Variants in EMX1 observed in about 807,000 individuals in gnomAD.
EMX1 encodes the protein empty spiracles homeobox 1.
In EMX1, 10 loss-of-function variants were observed where a neutral mutation model predicts 20.1. The observed-to-expected ratio is 0.50, with a 90% CI of 0.31 to 0.84. The LOEUF (loss-of-function observed/expected upper bound fraction) is 0.84. EMX1 is among the 40% of genes least tolerant of loss of function. EMX1 has a pLI of 0.05. For missense variants in EMX1, 424 were observed against 431.9 expected, an observed-to-expected ratio of 0.98 and a Z score of 0.16; for synonymous variants, 250 against 200.4, an observed-to-expected ratio of 1.25 and a Z score of -2.09.
Position 72,934,167 on chromosome 2 carries a change from G to C in EMX1, c.*213G>C, listed in dbSNP as rs1280698030. On this transcript the variant is annotated 3_prime_UTR_variant, in exon 3 of 3. Coordinates refer to ENST00000258106, the MANE Select transcript of EMX1 (RefSeq NM_004097.3). ...GGGACCACTTGGCCTTCTCCTCGGA[G>C]AGCCTGCCTGCCTGGGCGGGCCCGC... is the stretch of plus-strand genomic sequence containing the variant. The C allele has an allele frequency of 1.5e-6, 1 of 660,302 alleles. No homozygotes were observed. Among genetic ancestry groups the C allele is most frequent in the Non-Finnish European group, 2.4e-6 (1 of 413,806 alleles). The allele number at this position is 660,302 out of a possible 1,614,324, so 40.9% of individuals were successfully genotyped here. A position where few individuals can be genotyped will look rare whatever the true frequency, so the allele number is the denominator to read the frequency against.
In EMX1 at chr2:72,924,329, G is replaced by C. The variant is rs1671156268; in HGVS notation, c.541G>C (p.Gly181Arg). The change falls in exon 2 of 3, where the codon GGG (glycine) becomes CGG (arginine). Residue 181 changes from glycine to arginine, a missense_variant. Gly to Arg is a moderately radical substitution (Grantham distance 125). Around this residue, in one of 2 missense-constraint regions of EMX1, gnomAD observed 333 missense variants for 296.6 expected, o/e 1.12. Transcript: ENST00000258106. ...CGCAGCCAGCGACGTGCCCCAGGACGGGCTGCTTCTGCACGGCCCCTTCGC... is the reference window on the plus strand; with the variant it reads ...CGCAGCCAGCGACGTGCCCCAGGACCGGCTGCTTCTGCACGGCCCCTTCGC... ...RFQASDVPQD[G>R]LLLHGPFARK... 6.4e-7 allele frequency: 1 copy of C among 1,573,826 alleles called. No individual in the cohort carries two copies. Among genetic ancestry groups the C allele is most frequent in the Non-Finnish European group, 8.6e-7 (1 of 1,167,522 alleles).
In EMX1 at chr2:72,918,260, G is replaced by A. The variant is rs1421548176; in HGVS notation, c.408G>A (p.Leu136=). The change falls in exon 1 of 3, where the codon CTG becomes CTA. Residue 136 remains leucine (L), a synonymous_variant. Coordinates refer to ENST00000258106, the MANE Select transcript of EMX1 (RefSeq NM_004097.3). ...TGACCGTGCATCCGGCGCACCAGCT[G>A]GGCGCCTCCCCGCTGCAGCCCCCGC... The part of the protein sequence containing the change: ...PALTVHPAHQ[L]GASPLQPPHS... 6.3e-7 allele frequency: 1 copy of A among 1,577,800 alleles called. No individual in the cohort carries two copies. Among genetic ancestry groups the A allele is most frequent in the African/African-American group, 1.4e-5 (1 of 72,266 alleles).
upstream of EMX1, chr2:72,917,053 G>A: frequency 1.5e-6 from 1 of 663,226 alleles, no homozygotes; most frequent in Non-Finnish European, 2.8e-6. Context: ...CGGCCCAGGA[G>A]GCCGATGGTG....
intron 2 of EMX1, chr2:72,925,321 G>A (rs2105267053): frequency 1.8e-6 from 2 of 1,095,806 alleles, no homozygotes; most frequent in Non-Finnish European, 2.3e-6. Flanking sequence ...TAATTTAAGG[G>A]AAAAAATTAA....
Position 72,917,887 on chromosome 2 carries a change from C to A in EMX1, c.35C>A (p.Ala12Glu). ...CLAGCTPRKA[A>E]APGRGALPRA... ...GCTGGGTGCACACCCCGCAAGGCGG[C>A]GGCGCCAGGACGCGGAGCGCTCCCC... The change falls in exon 1 of 3, where the codon GCG becomes GAG. Residue 12 changes from alanine (A) to glutamate (E), a missense_variant. This residue lies in a region of EMX1 where 333 missense variants were observed against 296.6 expected (regional missense o/e 1.12). Transcript: ENST00000258106. 2.7e-6 allele frequency: 4 copies of A among 1,479,022 alleles called. No homozygotes were observed. Among genetic ancestry groups the A allele is most frequent in the Non-Finnish European group, 3.6e-6 (4 of 1,122,436 alleles). 91.6% of individuals were successfully genotyped at this position (1,479,022 alleles called of 1,614,324 possible). A position where few individuals can be genotyped will look rare whatever the true frequency, so the allele number is the denominator to read the frequency against.
intron 1 of EMX1, among the ~76,000 whole-genome samples, chr2:72,920,363 G>A (rs369531198): frequency 6.6e-6 from 1 of 152,236 alleles, no homozygotes; most frequent in Non-Finnish European, 1.5e-5. Flanking sequence ...GAGTCTGGAC[G>A]CGGAGATGGA....
At position 72,930,517 on chromosome 2, in the gene EMX1, G is replaced by T. The variant is rs929347323; in HGVS notation, c.706-3270G>T. 1.2e-4 allele frequency among the ~76,000 whole-genome samples: 19 copies of T among 152,202 alleles called. No individual in the cohort carries two copies. The highest frequency in any genetic ancestry group is 1.1e-3 in the Admixed American group (17 of 15,282). ...CTTGGGAGACCACAAGGGACCTCTTGCTACAGCAGAGAGGTCAGAGTGGGC... is the reference window on the plus strand; with the variant it reads ...CTTGGGAGACCACAAGGGACCTCTTTCTACAGCAGAGAGGTCAGAGTGGGC... On this transcript the variant is annotated intron_variant, in intron 2 of 2. Coordinates refer to ENST00000258106, the MANE Select transcript of EMX1 (RefSeq NM_004097.3). The surrounding 1 kb of genome is among the most constrained non-coding windows in gnomAD (Gnocchi z 4.4).
chr2:72,919,089 G>A (rs1325225261), intron 1 of EMX1, among the ~76,000 whole-genome samples: 2 of 152,096 alleles, frequency 1.3e-5, no homozygotes, highest in African/African-American at 2.4e-5. Context: ...GGCAGGGGGC[G>A]GGGGCAGAGG....
At chr2:72,923,476 T>TGTGTTGGGATAGG (rs1341996408) in intron 1 of EMX1, 1 of 151,956 alleles carries the variant, frequency 6.6e-6, no homozygotes, top group African/African-American at 2.4e-5. Context: ...CTCCAGTGTG[T>TGTGTTGGGATAGG]GTGTTGGGAT....
Position 72,917,936 on chromosome 2 carries a change from T to C in EMX1, c.84T>C (p.Ala28=). 2 of 1,485,792 alleles carry C rather than the reference T, an allele frequency of 1.3e-6. No homozygotes were observed. Among genetic ancestry groups the C allele is most frequent in the Non-Finnish European group, 1.8e-6 (2 of 1,125,816 alleles). The allele number at this position is 1,485,792 out of a possible 1,614,324, so 92.0% of individuals were successfully genotyped here. A position where few individuals can be genotyped will look rare whatever the true frequency, so the allele number is the denominator to read the frequency against. ...ALPRARLPRT[A]PAAATMFQPA... ...CCAGAGCCCGGCTGCCTCGCACAGC[T>C]CCCGCGGCTGCGACCATGTTCCAGC... Residue 28 remains alanine, a synonymous_variant, in exon 1 of 3, where the codon GCT becomes GCC. Transcript: ENST00000258106.
intron 1 of EMX1, among the ~76,000 whole-genome samples, chr2:72,921,443 G>A (rs946603316): frequency 2.0e-5 from 3 of 152,184 alleles, no homozygotes; most frequent in African/African-American, 7.2e-5. Context: ...CTGAACCCCT[G>A]GTAGGGGTGG....
At chr2:72,928,125 C>T (rs913247039) in intron 2 of EMX1, among the ~76,000 whole-genome samples, 2 of 152,154 alleles carry the variant, frequency 1.3e-5, no homozygotes, top group Non-Finnish European at 2.9e-5. Flanking sequence ...GTGGGGTATT[C>T]GTGCTGGGAT....
chr2:72,918,263 C>T lies in EMX1; in HGVS notation c.411C>T (p.Gly137=), dbSNP rs768573057. ...ALTVHPAHQL[G]ASPLQPPHSF... is the part of the protein sequence containing the mutation. Reference sequence around the variant, plus strand: ...CCGTGCATCCGGCGCACCAGCTGGGCGCCTCCCCGCTGCAGCCCCCGCACT... The same window carrying T: ...CCGTGCATCCGGCGCACCAGCTGGGTGCCTCCCCGCTGCAGCCCCCGCACT... The change falls in exon 1 of 3, where the codon GGC becomes GGT. Residue 137 remains glycine, a synonymous_variant. Coordinates refer to ENST00000258106, the MANE Select transcript of EMX1 (RefSeq NM_004097.3). 61 of 1,577,350 alleles carry T rather than the reference C, an allele frequency of 3.9e-5. No individual in the cohort carries two copies. Among genetic ancestry groups the T allele is most frequent in the East Asian group, 4.8e-5 (2 of 41,818 alleles).
intron 1 of EMX1, chr2:72,924,053 C>T (rs549250000): frequency 3.5e-5 from 21 of 593,036 alleles, no homozygotes; most frequent in Non-Finnish European, 1.5e-5. Context: ...ACAGAGGGAT[C>T]TGGAGAGCTG....
chr2:72,916,575 A>G, upstream of EMX1: 1 of 618,062 alleles, frequency 1.6e-6, no homozygotes, highest in South Asian at 1.9e-5. Flanking sequence ...GTACGGAAAA[A>G]CTGGCCGGAG....
rs1038751519 is a variant in EMX1, at chr2:72,930,521, C to T, written c.706-3266C>T. Among the ~76,000 whole-genome samples, 1 of 152,186 alleles carries T rather than the reference C, an allele frequency of 6.6e-6. No homozygotes were observed. Among genetic ancestry groups the T allele is most frequent in the Non-Finnish European group, 1.5e-5 (1 of 68,040 alleles). ...GGAGACCACAAGGGACCTCTTGCTA[C>T]AGCAGAGAGGTCAGAGTGGGCAAGG... On this transcript the variant is annotated intron_variant, in intron 2 of 2. Coordinates refer to ENST00000258106, the MANE Select transcript of EMX1 (RefSeq NM_004097.3). The surrounding 1 kb of genome is among the most constrained non-coding windows in gnomAD (Gnocchi z 4.4).
upstream of EMX1, chr2:72,916,553 A>G: frequency 1.6e-6 from 1 of 612,306 alleles, no homozygotes; most frequent in South Asian, 1.9e-5. Context: ...GCCCCCGGGG[A>G]ATTCGTCCGC....
intron 2 of EMX1, among the ~76,000 whole-genome samples, chr2:72,932,753 G>A (rs1228113762): frequency 1.3e-5 from 2 of 152,218 alleles, no homozygotes; most frequent in Non-Finnish European, 2.9e-5. Context: ...TCCAGTTTCT[G>A]TTTGAACCCC....
Position 72,924,307 on chromosome 2 carries a change from A to G in EMX1, c.521-2A>G. On this transcript the variant is annotated splice_acceptor_variant, in intron 1 of 2. Coordinates refer to ENST00000258106, the MANE Select transcript of EMX1 (RefSeq NM_004097.3). LOFTEE classifies it high-confidence loss of function. ...GTGTTGCCGTCGGCGGCGGGGCCGCAGCCAGCGACGTGCCCCAGGACGGGC... is the reference window on the plus strand; with the variant it reads ...GTGTTGCCGTCGGCGGCGGGGCCGCGGCCAGCGACGTGCCCCAGGACGGGC... The G allele has an allele frequency of 6.4e-7, 1 of 1,560,482 alleles. No homozygotes were observed.
Sources: gnomAD v4.1 joint callset for allele counts (sites outside exome capture counted in the v4.1 genomes callset) on GRCh38, gnomAD v4.1.1 for gene constraint, gnomAD v4.1.1 regional missense constraint, Gnocchi (gnomAD v3.1) non-coding constraint, MANE v1.5 for transcripts, NCBI Gene and HGNC (gene_info 2026-07-23, HGNC 2026-07-21) for gene names.